The following SMYD3 variants were observed in gnomAD, a reference collection of about 807,000 sequenced individuals.
SMYD3 encodes the protein histone-lysine N-methyltransferase SMYD3.
Under a neutral mutation model 57.7 loss-of-function variants are expected in SMYD3, and 36 were observed. The ratio of observed to expected loss-of-function variants is 0.62; its 90% CI spans 0.48 to 0.82. SMYD3 has a LOEUF of 0.82. SMYD3 is among the 40% of genes least tolerant of loss of function. The probability of loss-of-function intolerance (pLI) is 0.00; values close to 1 mark genes in which losing one functional copy is unlikely to be tolerated. For missense variants in SMYD3, 515 were observed against 538.8 expected, an observed-to-expected ratio of 0.96 and a Z score of 0.44; for synonymous variants, 211 against 195.0, an observed-to-expected ratio of 1.08 and a Z score of -0.68.
At chr1:246,130,828 T>C (rs921793684) in intron 5 of SMYD3, among the ~76,000 whole-genome samples, 1 of 152,188 alleles carries the variant, frequency 6.6e-6, no homozygotes, top group Admixed American at 6.5e-5. Context: ...GAACAAGAAT[T>C]ATCGTTCTAA....
At chr1:246,242,606 T>C (rs2063633557) in intron 5 of SMYD3, among the ~76,000 whole-genome samples, 1 of 152,054 alleles carries the variant, frequency 6.6e-6, no homozygotes, top group Admixed American at 6.6e-5. Context: ...AATATTAACC[T>C]TAAATGTAAA....
chr1:246,481,621 T>TATATATATATATATATATATACACACAC (rs1307881494), intron 1 of SMYD3, among the ~76,000 whole-genome samples: 9 of 98,548 alleles, frequency 9.1e-5, no homozygotes, highest in African/African-American at 3.0e-4. Context: ...CATACATATA[T>TATATATATATATATATATATACACACAC]ACATACATAC....
At chr1:246,316,434 G>C (rs372399646) in intron 5 of SMYD3, among the ~76,000 whole-genome samples, 2 of 148,854 alleles carry the variant, frequency 1.3e-5, no homozygotes, top group Non-Finnish European at 3.0e-5. Flanking sequence ...ATCTCAGCTC[G>C]CTGCAACCTC....
chr1:246,016,585 A>G (rs1480840556), intron 5 of SMYD3, among the ~76,000 whole-genome samples: 1 of 152,148 alleles, frequency 6.6e-6, no homozygotes, highest in African/African-American at 2.4e-5. Context: ...TTCAGTCTCA[A>G]AAAAGAAGAA....
chr1:245,859,882 T>C (rs1572531087), intron 9 of SMYD3, among the ~76,000 whole-genome samples: 1 of 152,356 alleles, frequency 6.6e-6, no homozygotes, highest in Middle Eastern at 3.4e-3. Flanking sequence ...GTCAAAGTGC[T>C]TAATGATAGG....
At chr1:246,210,634 C>T (rs1036855630) in intron 5 of SMYD3, among the ~76,000 whole-genome samples, 3 of 151,428 alleles carry the variant, frequency 2.0e-5, no homozygotes, top group Non-Finnish European at 4.4e-5. Flanking sequence ...CACTTGAACC[C>T]GGGAAGCGGA....
At chr1:245,899,176 A>G (rs1011880048) in intron 8 of SMYD3, among the ~76,000 whole-genome samples, 13 of 152,226 alleles carry the variant, frequency 8.5e-5, no homozygotes, top group Non-Finnish European at 7.3e-5. Context: ...AAATCCAGGA[A>G]CTGAAAATTA....
At chr1:246,190,288 C>A (rs1163246707) in intron 5 of SMYD3, among the ~76,000 whole-genome samples, 4 of 152,080 alleles carry the variant, frequency 2.6e-5, no homozygotes, top group Admixed American at 6.5e-5. Flanking sequence ...TTTATTTCAG[C>A]ATTAGAAAGC....
chr1:246,427,536 A>AT (rs1270556419), intron 1 of SMYD3, among the ~76,000 whole-genome samples: 44 of 137,678 alleles, frequency 3.2e-4, no homozygotes, highest in African/African-American at 1.5e-3. Context: ...AAAAAAAATA[A>AT]AAAAAAATAA....
At chr1:246,100,677 C>T (rs2060993704) in intron 5 of SMYD3, among the ~76,000 whole-genome samples, 2 of 152,156 alleles carry the variant, frequency 1.3e-5, no homozygotes, top group Non-Finnish European at 2.9e-5. Context: ...GTCCTCTTTC[C>T]TTTTGCACTT....
At chr1:246,137,581 C>T (rs187162887) in intron 5 of SMYD3, among the ~76,000 whole-genome samples, 1 of 152,254 alleles carries the variant, frequency 6.6e-6, no homozygotes, top group East Asian at 1.9e-4. Flanking sequence ...GTTTTTCTCC[C>T]CACTGGATAC....
intron 5 of SMYD3, among the ~76,000 whole-genome samples, chr1:246,053,479 G>A (rs573046593): frequency 6.6e-6 from 1 of 152,156 alleles, no homozygotes; most frequent in South Asian, 2.1e-4. Flanking sequence ...AGAAAGGATA[G>A]AATAGTGAGT....
intron 5 of SMYD3, among the ~76,000 whole-genome samples, chr1:246,175,483 T>C (rs2062416366): frequency 6.6e-6 from 1 of 152,184 alleles, no homozygotes; most frequent in Non-Finnish European, 1.5e-5. Flanking sequence ...TACTCCAGAC[T>C]TGAAAATCCC....
At chr1:245,849,661 A>ATTCTG (rs2050858316) in intron 10 of SMYD3, among the ~76,000 whole-genome samples, 1 of 151,226 alleles carries the variant, frequency 6.6e-6, no homozygotes, top group Non-Finnish European at 1.5e-5. Flanking sequence ...TATATTATTT[A>ATTCTG]TTTTATTTTG....
chr1:246,043,131 T>C (rs138815370), intron 5 of SMYD3, among the ~76,000 whole-genome samples: 8 of 152,340 alleles, frequency 5.3e-5, no homozygotes, highest in Non-Finnish European at 1.2e-4. Flanking sequence ...CATGTACACA[T>C]ATACACAGCA....
chr1:246,474,315 C>G lies in SMYD3; in HGVS notation c.164+32739G>C, dbSNP rs569066654. Among the ~76,000 whole-genome samples, 6 of 152,078 alleles carry G rather than the reference C, an allele frequency of 3.9e-5. No homozygotes were observed. In the East Asian group the frequency reaches 1.2e-3, roughly 29 times the overall value. On this transcript the variant is annotated intron_variant, in intron 1 of 11. Transcript: ENST00000490107. ...CGGGTGGATCATGAGATCAGGAGATCGAGACCATCCTGGCTAACACGGTGA... is the reference window on the plus strand; with the variant it reads ...CGGGTGGATCATGAGATCAGGAGATGGAGACCATCCTGGCTAACACGGTGA...
intron 1 of SMYD3, among the ~76,000 whole-genome samples, chr1:246,424,961 T>C (rs1392246394): frequency 6.6e-6 from 1 of 152,236 alleles, no homozygotes; most frequent in Admixed American, 6.5e-5. Flanking sequence ...ATAGCGATAA[T>C]AGTAATCAAG....
At chr1:246,072,463 TGTTA>T (rs756820088) in intron 5 of SMYD3, among the ~76,000 whole-genome samples, 44 of 152,216 alleles carry the variant, frequency 2.9e-4, no homozygotes, top group Non-Finnish European at 6.0e-4. Flanking sequence ...GGATGAATCG[TGTTA>T]GTTCTATCAT....
At chr1:246,482,219 G>A (rs987064111) in intron 1 of SMYD3, among the ~76,000 whole-genome samples, 1 of 152,132 alleles carries the variant, frequency 6.6e-6, no homozygotes, top group African/African-American at 2.4e-5. Flanking sequence ...GCCATGAGAG[G>A]TAAAATGGTG....
Sources: gnomAD v4.1 joint callset for allele counts (sites outside exome capture counted in the v4.1 genomes callset) on GRCh38, gnomAD v4.1.1 for gene constraint, MANE v1.5 for transcripts, NCBI Gene and HGNC (gene_info 2026-07-23, HGNC 2026-07-21) for gene names.